AKT3: variants seen among roughly 807,000 people sequenced by gnomAD.
AKT3 encodes AKT serine/threonine kinase 3, also known as RAC-gamma serine/threonine-protein kinase.
A neutral mutation model predicts 65.3 loss-of-function variants in AKT3; 15 were observed. The observed-to-expected ratio is 0.23, with a 90% confidence interval of 0.15 to 0.35. The LOEUF is 0.35. Ranked by LOEUF, AKT3 falls within the 10% of genes least tolerant of loss-of-function variation. The pLI, the probability that AKT3 is intolerant of heterozygous loss-of-function variation, is 1.00. For missense variants in AKT3, 243 were observed against 576.5 expected (o/e 0.42, Z 5.92); for synonymous variants, 206 against 183.8 (o/e 1.12, Z -0.98).
At position 243,512,683 on chromosome 1, in the gene AKT3, G is replaced by A. The variant is rs185860339; in HGVS notation, c.1252-257C>T. Among the ~76,000 whole-genome samples, 336 of 152,202 alleles carry A rather than the reference G, an allele frequency of 2.2e-3. 3 individuals carry two copies. The highest frequency in any genetic ancestry group is 7.7e-3 in the African/African-American group (320 of 41,524). ...AAACCATTGAATAGGACGGGAGAGG[G>A]ATATTGAAAAATCTGTGCTGGTTTT... On this transcript the variant is annotated intron_variant, in intron 12 of 13. Transcript: ENST00000673466.
chr1:243,747,714 T>G (rs1688560434), intron 2 of AKT3, among the ~76,000 whole-genome samples: 1 of 152,148 alleles, frequency 6.6e-6, no homozygotes, highest in South Asian at 2.1e-4. Context: ...ACATTGGGAA[T>G]TACCATAGAA....
chr1:243,544,469 G>A (rs764332819), intron 12 of AKT3, among the ~76,000 whole-genome samples: 5 of 151,722 alleles, frequency 3.3e-5, no homozygotes, highest in Non-Finnish European at 7.4e-5. Flanking sequence ...TACCAAAAAC[G>A]TAGGCAGGTA....
intron 9 of AKT3, among the ~76,000 whole-genome samples, chr1:243,568,636 T>C (rs2148498356): frequency 1.3e-5 from 2 of 152,332 alleles, no homozygotes; most frequent in African/African-American, 4.8e-5. Context: ...TTACTATGTT[T>C]CCTCCTGTTC....
intron 2 of AKT3, among the ~76,000 whole-genome samples, chr1:243,718,297 G>A (rs948026917): frequency 3.3e-5 from 5 of 152,132 alleles, no homozygotes; most frequent in African/African-American, 1.2e-4. Flanking sequence ...ACGATTGTAT[G>A]CATTCTCTGT....
intron 12 of AKT3, among the ~76,000 whole-genome samples, chr1:243,533,858 T>C (rs1272180199): frequency 6.6e-6 from 1 of 151,838 alleles, no homozygotes; most frequent in Non-Finnish European, 1.5e-5. Context: ...GGCGTGGTGG[T>C]GGGCGCCTGT....
rs140706783 is a variant in AKT3, at chr1:243,623,029, C to T, written c.562-7868G>A. Among the ~76,000 whole-genome samples the T allele has an allele frequency of 9.9e-5, 15 of 152,198 alleles. 1 individual carries two copies. Among genetic ancestry groups the T allele is most frequent in the African/African-American group, 2.9e-4 (12 of 41,446 alleles). ...CAAAAAAGTCAGTCTTCAGAACTGG[C>T]GCCGTTGGCCAACTCCTGGGAAATG... On this transcript the variant is annotated intron_variant, in intron 6 of 13. Coordinates refer to ENST00000673466, the MANE Select transcript of AKT3 (RefSeq NM_005465.7).
At chr1:243,639,282 C>G (rs762662799) in intron 5 of AKT3, among the ~76,000 whole-genome samples, 1 of 152,200 alleles carries the variant, frequency 6.6e-6, no homozygotes. Flanking sequence ...GATGGTTTCA[C>G]TGGTGAATTC....
chr1:243,610,015 C>T (rs998330520), intron 8 of AKT3, among the ~76,000 whole-genome samples: 42 of 152,106 alleles, frequency 2.8e-4, no homozygotes, highest in Non-Finnish European at 1.3e-4. Flanking sequence ...CTCCAGTAGA[C>T]TATAAACTCT....
intron 2 of AKT3, among the ~76,000 whole-genome samples, chr1:243,783,565 T>TA (rs923136201): frequency 1.6e-4 from 24 of 151,822 alleles, no homozygotes; most frequent in Non-Finnish European, 2.7e-4. Flanking sequence ...GGTGAATTTT[T>TA]AAAAAAAAAT....
intron 2 of AKT3, among the ~76,000 whole-genome samples, chr1:243,720,061 C>T (rs1290383900): frequency 6.6e-6 from 1 of 152,022 alleles, no homozygotes; most frequent in East Asian, 1.9e-4. Context: ...ACCTGTAATC[C>T]CAGCACTCTG....
intron 2 of AKT3, among the ~76,000 whole-genome samples, chr1:243,773,078 T>G (rs1210135225): frequency 6.6e-6 from 1 of 150,436 alleles, no homozygotes; most frequent in Admixed American, 6.6e-5. Flanking sequence ...AGGAGATATA[T>G]CTAATGTAAA....
intron 2 of AKT3, among the ~76,000 whole-genome samples, chr1:243,759,292 C>A (rs1689341664): frequency 6.6e-6 from 1 of 151,582 alleles, no homozygotes; most frequent in African/African-American, 2.4e-5. Flanking sequence ...TGCACTCCAG[C>A]CTGAGCAACA....
At chr1:243,718,956 T>C (rs1686697740) in intron 2 of AKT3, among the ~76,000 whole-genome samples, 1 of 152,190 alleles carries the variant, frequency 6.6e-6, no homozygotes, top group Non-Finnish European at 1.5e-5. Flanking sequence ...TCCAATTATT[T>C]TCATGGGATA....
intron 2 of AKT3, among the ~76,000 whole-genome samples, chr1:243,796,951 G>T (rs1692057320): frequency 6.6e-6 from 1 of 152,108 alleles, no homozygotes; most frequent in Non-Finnish European, 1.5e-5. Flanking sequence ...AAGAATGGTT[G>T]TTGTTAGGGG....
chr1:243,843,098 A>G (rs1223283423), intron 2 of AKT3, 27 bp downstream of exon 2: 5 of 1,612,492 alleles, frequency 3.1e-6, no homozygotes, highest in Non-Finnish European at 4.2e-6. Flanking sequence ...TACCAACCGT[A>G]TTATTTTTGG....
At chr1:243,733,903 C>G (rs535787264) in intron 2 of AKT3, among the ~76,000 whole-genome samples, 16 of 152,250 alleles carry the variant, frequency 1.1e-4, no homozygotes, top group Middle Eastern at 3.4e-3. Context: ...GCAATATGTG[C>G]AAAGTGCAAT....
intron 6 of AKT3, among the ~76,000 whole-genome samples, chr1:243,617,295 T>C (rs1000017470): frequency 1.3e-5 from 2 of 152,048 alleles, no homozygotes; most frequent in African/African-American, 4.8e-5. Flanking sequence ...TCAGTGTTAA[T>C]GGGAAAAACC....
Position 243,693,242 on chromosome 1 carries a change from TGATATATATATATATATATA to T in AKT3, c.172+2329_172+2348del, listed in dbSNP as rs1327784977. On this transcript the variant is annotated intron_variant, in intron 3 of 13. Transcript: ENST00000673466. ...ATATATCCCTTTGGTAGCTACAATT[TGATATATATATATATATATA>T]TATATATATATATATATATATATAT... 8.4e-3 allele frequency among the ~76,000 whole-genome samples: 504 copies of T among 59,980 alleles called. 37 individuals are homozygous for T. Among genetic ancestry groups the T allele is most frequent in the South Asian group, 0.013 (24 of 1,862 alleles). 39.3% of individuals were successfully genotyped at this position (59,980 alleles called of 152,430 possible).
intron 12 of AKT3, among the ~76,000 whole-genome samples, chr1:243,514,632 C>T (rs955511723): frequency 2.0e-5 from 3 of 152,112 alleles, no homozygotes; most frequent in Non-Finnish European, 2.9e-5. Flanking sequence ...TTTATTGATG[C>T]GTAATTAACA....
Sources: gnomAD v4.1 joint callset for allele counts (sites outside exome capture counted in the v4.1 genomes callset) on GRCh38, gnomAD v4.1.1 for gene constraint, MANE v1.5 for transcripts, NCBI Gene and HGNC (gene_info 2026-07-23, HGNC 2026-07-21) for gene names.